DYNC2I2: variants seen among roughly 807,000 people sequenced by gnomAD.
The protein encoded by DYNC2I2 is cytoplasmic dynein 2 intermediate chain 2.
In DYNC2I2, 39 loss-of-function variants were observed where a neutral mutation model predicts 52.0. The observed-to-expected ratio is 0.75, with a 90% CI of 0.58 to 0.98. DYNC2I2 has a LOEUF of 0.98. Ranked by LOEUF, DYNC2I2 falls within the 50% of genes least tolerant of loss-of-function variation. The pLI, the probability that DYNC2I2 is intolerant of heterozygous loss-of-function variation, is 0.00. For missense variants in DYNC2I2, 743 were observed against 728.4 expected (o/e 1.02, Z -0.23); for synonymous variants, 359 against 321.1 (o/e 1.12, Z -1.26).
At chr9:128,659,510 A>AC (rs202054527), upstream of DYNC2I2, among the ~76,000 whole-genome samples, 575 of 150,836 alleles carry the variant, frequency 3.8e-3, 3 homozygotes, top group Middle Eastern at 0.014. Context: ...AAAAAAAAAA[A>AC]ACACACACAC....
chr9:128,657,337 T>C (rs1047809504), upstream of DYNC2I2, among the ~76,000 whole-genome samples: 10 of 152,194 alleles, frequency 6.6e-5, no homozygotes, highest in African/African-American at 2.2e-4. Flanking sequence ...CTAAATAATG[T>C]GCCTACTGTG....
chr9:128,648,781 C>A (rs1394924598), intron 1 of DYNC2I2, among the ~76,000 whole-genome samples: 1 of 137,654 alleles, frequency 7.3e-6, no homozygotes. Flanking sequence ...GCCTGGGCGA[C>A]GGAGGGAGAC....
At chr9:128,673,381 G>T in the DYNC2I2 span, among the ~76,000 whole-genome samples, 1 of 152,060 alleles carries the variant, frequency 6.6e-6, no homozygotes, top group Admixed American at 6.6e-5. Context: ...TCACTCTGTC[G>T]CCCAGTCTGG....
In DYNC2I2 at chr9:128,640,907, G is replaced by A; in HGVS notation, c.219C>T (p.Ala73=). 1 of 1,603,704 alleles carries A rather than the reference G, an allele frequency of 6.2e-7. No homozygotes were observed. Among genetic ancestry groups the A allele is most frequent in the Non-Finnish European group, 8.5e-7 (1 of 1,173,480 alleles). Residue 73 remains alanine (A), a synonymous_variant, in exon 2 of 9, where the codon GCC becomes GCT. Coordinates refer to ENST00000372715, the MANE Select transcript of DYNC2I2 (RefSeq NM_052844.4). ...GATTCCTGGCCTGGGCGGATGCACT[G>A]GCAGTGGCAATGCTGGCCGTCTGGC... is the stretch of plus-strand genomic sequence containing the variant. ...KSCQTASIAT[A]SASAQARNHV...
chr9:128,681,667 C>T, the DYNC2I2 span, among the ~76,000 whole-genome samples: 2 of 152,150 alleles, frequency 1.3e-5, no homozygotes, highest in African/African-American at 4.8e-5. Flanking sequence ...TTAGTTGTAC[C>T]AATCTACCTT....
In DYNC2I2 at chr9:128,640,889, G is replaced by A; in HGVS notation, c.237C>T (p.Ala79=). 6.2e-7 allele frequency: 1 copy of A among 1,611,068 alleles called. No individual in the cohort carries two copies. The highest frequency in any genetic ancestry group is 1.7e-5 in the Admixed American group (1 of 59,650). ...GCACCTGGGCGTCCACATGATTCCT[G>A]GCCTGGGCGGATGCACTGGCAGTGG... The part of the protein sequence containing the change: ...SIATASASAQ[A]RNHVDAQVQT... Residue 79 remains alanine, a synonymous_variant, in exon 2 of 9, where the codon GCC becomes GCT. Transcript: ENST00000372715.
At chr9:128,667,246 G>A in the DYNC2I2 span, among the ~76,000 whole-genome samples, 1 of 152,094 alleles carries the variant, frequency 6.6e-6, no homozygotes. Flanking sequence ...TGCCTTTAGT[G>A]CCAGCTACTA....
At chr9:128,644,723 C>T (rs1360907154) in intron 1 of DYNC2I2, among the ~76,000 whole-genome samples, 2 of 152,228 alleles carry the variant, frequency 1.3e-5, no homozygotes, top group Admixed American at 6.5e-5. Flanking sequence ...GCACTTTTCA[C>T]AAACTGAAGG....
chr9:128,649,688 CAAAAAAA>C lies in DYNC2I2; in HGVS notation c.186+6846_186+6852del, dbSNP rs34154610. On this transcript the variant is annotated intron_variant, in intron 1 of 8. Coordinates refer to ENST00000372715, the MANE Select transcript of DYNC2I2 (RefSeq NM_052844.4). ...TGGGCAAGACAGTGAGACTCCATCT[CAAAAAAA>C]AAAAAAAAAAAAAACTGGGCCAGGT... 2.9e-3 allele frequency among the ~76,000 whole-genome samples: 136 copies of C among 47,232 alleles called. 4 individuals carry two copies. The highest frequency in any genetic ancestry group is 0.018 in the African/African-American group (132 of 7,326). The allele number at this position is 47,232 out of a possible 152,430, so 31.0% of individuals were successfully genotyped here.
chr9:128,633,761 C>G lies in DYNC2I2; in HGVS notation c.1594G>C (p.Ala532Pro). The G allele has an allele frequency of 6.2e-7, 1 of 1,613,344 alleles. No individual in the cohort carries two copies. The highest frequency in any genetic ancestry group is 1.1e-5 in the South Asian group (1 of 91,074). Residue 532 changes from alanine (A) to proline (P), a missense_variant, in exon 9 of 9, where the codon GCA becomes CCA. Coordinates refer to ENST00000372715, the MANE Select transcript of DYNC2I2 (RefSeq NM_052844.4). ...GGGACCCCTCAGGCCGCCACCTCTG[C>G]TGCCAGGCAGTCCAGGTCCTCAGCT... ...REAEDLDCLA[A>P]EVAA
the DYNC2I2 span, among the ~76,000 whole-genome samples, chr9:128,675,999 C>T: frequency 2.8e-3 from 420 of 152,140 alleles, 4 homozygotes; most frequent in African/African-American, 9.6e-3. Context: ...AAGACCCTGT[C>T]TCTACAAAAA....
chr9:128,651,927 A>AC, intron 1 of DYNC2I2: 1 of 117,128 alleles, frequency 8.5e-6, no homozygotes, highest in Non-Finnish European at 1.8e-5. Flanking sequence ...AAAAAAAAAA[A>AC]AAAAAAAGAA....
Position 128,640,877 on chromosome 9 carries a change from C to T in DYNC2I2, c.249G>A (p.Val83=), listed in dbSNP as rs1279196478. ...GGGCCTCCGTCTGCACCTGGGCGTC[C>T]ACATGATTCCTGGCCTGGGCGGATG... ...ASASAQARNH[V]DAQVQTEAPV... Residue 83 remains valine (V), a synonymous_variant, in exon 2 of 9, where the codon GTG becomes GTA. Coordinates refer to ENST00000372715, the MANE Select transcript of DYNC2I2 (RefSeq NM_052844.4). 2.5e-6 allele frequency: 4 copies of T among 1,613,338 alleles called. No homozygotes were observed. The East Asian group carries it at 6.7e-5, about 27-fold the overall frequency.
intron 1 of DYNC2I2, among the ~76,000 whole-genome samples, chr9:128,643,874 C>A (rs1416850748): frequency 1.3e-5 from 2 of 152,162 alleles, no homozygotes; most frequent in African/African-American, 4.8e-5. Flanking sequence ...CGGGGAGGCA[C>A]CAAGTATTCC....
chr9:128,683,025 C>T, the DYNC2I2 span, among the ~76,000 whole-genome samples: 2 of 151,156 alleles, frequency 1.3e-5, no homozygotes, highest in East Asian at 2.0e-4. Context: ...GACAGGGTCC[C>T]GCTCTGTCGC....
At chr9:128,664,619 G>A in the DYNC2I2 span, among the ~76,000 whole-genome samples, 12 of 151,732 alleles carry the variant, frequency 7.9e-5, no homozygotes, top group African/African-American at 1.2e-4. Context: ...CAAGTAGCTC[G>A]CTTTACAGGT....
chr9:128,670,492 CT>C, the DYNC2I2 span, among the ~76,000 whole-genome samples: 1 of 151,810 alleles, frequency 6.6e-6, no homozygotes, highest in African/African-American at 2.4e-5. Context: ...AATCCCAGCA[CT>C]TTGGGAGGCT....
chr9:128,642,416 A>G (rs1860531723), intron 1 of DYNC2I2, among the ~76,000 whole-genome samples: 1 of 141,274 alleles, frequency 7.1e-6, no homozygotes, highest in Admixed American at 7.7e-5. Flanking sequence ...AGATCATGCC[A>G]CTGCACTCCA....
the DYNC2I2 span, among the ~76,000 whole-genome samples, chr9:128,668,167 G>T: frequency 4.6e-5 from 7 of 151,626 alleles, no homozygotes; most frequent in Admixed American, 4.6e-4. Flanking sequence ...CATCATGTTG[G>T]CCAGGATGGT....
Sources: allele counts gnomAD v4.1 joint callset (sites outside exome capture counted in the v4.1 genomes callset), GRCh38; gene constraint gnomAD v4.1.1; transcripts MANE v1.5; gene names NCBI Gene and HGNC (gene_info 2026-07-23, HGNC 2026-07-21).